The following MMP27 variants were observed in gnomAD, a reference collection of about 807,000 sequenced individuals.
MMP27 encodes matrix metalloproteinase-27.
MMP27 carries 51 observed loss-of-function variants against 48.1 expected under a neutral mutation model. The observed-to-expected ratio is 1.06, with a 90% CI of 0.85 to 1.34. The LOEUF (loss-of-function observed/expected upper bound fraction) is 1.34. Among genes scored for constraint, MMP27 ranks in the 40% most tolerant of loss-of-function variants. The probability of loss-of-function intolerance (pLI) is 0.00; values close to 1 mark genes in which losing one functional copy is unlikely to be tolerated. For missense variants in MMP27, 698 were observed against 619.3 expected, an observed-to-expected ratio of 1.13 and a Z score of -1.35; for synonymous variants, 229 against 208.9, an observed-to-expected ratio of 1.10 and a Z score of -0.83.
Position 102,696,713 on chromosome 11 carries a change from GTGGGTATTTTC to G in MMP27, c.731_741del (p.Arg244ThrfsTer5). On this transcript the variant is annotated frameshift_variant, in exon 5 of 10. Coordinates refer to ENST00000260229, the MANE Select transcript of MMP27 (RefSeq NM_022122.3). LOFTEE classifies it high-confidence loss of function. ...ATTCCATTGATATCATCCTGAGAAA[GTGGGTATTTTC>G]TGGGATCCAGGGAGACATAATTTGG... 2 of 1,613,758 alleles carry G rather than the reference GTGGGTATTTTC, an allele frequency of 1.2e-6. No individual in the cohort carries two copies. Among genetic ancestry groups the G allele is most frequent in the Non-Finnish European group, 1.7e-6 (2 of 1,179,878 alleles).
At position 102,705,590 on chromosome 11, in the gene MMP27, G is replaced by T. The variant is rs200860822; in HGVS notation, c.102+23C>A. 2.2e-6 allele frequency: 3 copies of T among 1,357,050 alleles called. No homozygotes were observed. The African/African-American group carries it at 4.6e-5, about 21-fold the overall frequency. 84.1% of individuals were successfully genotyped at this position (1,357,050 alleles called of 1,614,324 possible). ...AATAAGCTTTTTATCAATAGTCATC[G>T]ATATCATTTATTAAGACAGTACCTG... is the stretch of plus-strand genomic sequence containing the variant. On this transcript the variant is annotated intron_variant, in intron 1 of 9. Coordinates refer to ENST00000260229, the MANE Select transcript of MMP27 (RefSeq NM_022122.3).
At chr11:102,692,146 T>G (rs1022830589) in intron 9 of MMP27, 136 bp from the exon 10 acceptor site, 8 of 738,368 alleles carry the variant, frequency 1.1e-5, no homozygotes, top group African/African-American at 1.1e-4. Context: ...TACATTTTAG[T>G]TTTCTACTGT....
At chr11:102,701,229 T>C (rs982513252) in intron 4 of MMP27, among the ~76,000 whole-genome samples, 1 of 152,034 alleles carries the variant, frequency 6.6e-6, no homozygotes, top group Non-Finnish European at 1.5e-5. Context: ...CAGAACTTGG[T>C]TGAGGACTGT....
At chr11:102,697,735 G>T (rs936149174) in intron 4 of MMP27, among the ~76,000 whole-genome samples, 1 of 152,072 alleles carries the variant, frequency 6.6e-6, no homozygotes. Context: ...TGAACTCCAG[G>T]CTAAAGCAAT....
Position 102,696,704 on chromosome 11 carries a change from C to T in MMP27, c.751G>A (p.Asp251Asn). 1 of 1,613,574 alleles carries T rather than the reference C, an allele frequency of 6.2e-7. No homozygotes were observed. Among genetic ancestry groups the T allele is most frequent in the Non-Finnish European group, 8.5e-7 (1 of 1,179,820 alleles). ...LDPRKYPLSQ[D>N]DINGIQSIYG... ...ATGGACTGGATTCCATTGATATCAT[C>T]CTGAGAAAGTGGGTATTTTCTGGGA... Residue 251 changes from aspartate (D) to asparagine (N), a missense_variant, in exon 5 of 10, where the codon GAT becomes AAT. Transcript: ENST00000260229.
In MMP27 at chr11:102,693,941, T is replaced by C. The variant is rs1400011162; in HGVS notation, c.1158A>G (p.Arg386=). 3.7e-6 allele frequency: 6 copies of C among 1,607,482 alleles called. No individual in the cohort carries two copies. The highest frequency in any genetic ancestry group is 5.1e-6 in the Non-Finnish European group (6 of 1,177,332). Residue 386 remains arginine (R), a synonymous_variant, in exon 8 of 10, where the codon AGA becomes AGG. Coordinates refer to ENST00000260229, the MANE Select transcript of MMP27 (RefSeq NM_022122.3). ...IDAAVCDKTT[R]KTYFFVGIWC... ...AAATGCCCACAAAGAAGTAGGTTTT[T>C]CTTGTGGTCTTATCACAGACGGCTG...
At chr11:102,694,104 G>A (rs768788437) in intron 7 of MMP27, 39 bp from the exon 8 acceptor site, 24 of 1,431,418 alleles carry the variant, frequency 1.7e-5, no homozygotes, top group Non-Finnish European at 2.1e-5. Context: ...TCTAGAGGGA[G>A]AAATAGGTAT....
At chr11:102,698,097 G>A (rs1860867188) in intron 4 of MMP27, among the ~76,000 whole-genome samples, 1 of 151,966 alleles carries the variant, frequency 6.6e-6, no homozygotes, top group African/African-American at 2.4e-5. Context: ...ACAAGTAGGA[G>A]TACATTCTAA....
At position 102,692,757 on chromosome 11, in the gene MMP27, T is replaced by C. The variant is rs147101758; in HGVS notation, c.1297+181A>G. 3.3e-5 allele frequency among the ~76,000 whole-genome samples: 5 copies of C among 152,318 alleles called. No homozygotes were observed. In the East Asian group the frequency reaches 7.7e-4, roughly 23 times the overall value. On this transcript the variant is annotated intron_variant, in intron 9 of 9. Transcript: ENST00000260229. ...AGATTTGAGATAGTATAACAGAGAG[T>C]ATAATTCAGGATTTATGGATTCAGT...
intron 2 of MMP27, among the ~76,000 whole-genome samples, chr11:102,704,116 ACTCT>A (rs945557888): frequency 6.6e-6 from 1 of 151,548 alleles, no homozygotes; most frequent in Non-Finnish European, 1.5e-5. Context: ...AGATTTGGCA[ACTCT>A]CTCTCTCACA....
intron 1 of MMP27, among the ~76,000 whole-genome samples, chr11:102,705,391 A>G (rs750390895): frequency 6.1e-4 from 93 of 152,098 alleles, no homozygotes; most frequent in African/African-American, 2.0e-3. Context: ...ATTTGTGACC[A>G]TTGCTAAAAG....
intron 5 of MMP27, 39 bp from the exon 6 acceptor site, chr11:102,696,530 G>T: frequency 1.2e-6 from 2 of 1,607,966 alleles, no homozygotes; most frequent in Non-Finnish European, 1.7e-6. Flanking sequence ...AATTAAGAGG[G>T]CATGAAGAAA....
rs1287369826 is a variant in MMP27, at chr11:102,692,098, CATT to C, written c.1298-91_1298-89del. The C allele has an allele frequency of 9.6e-6, 12 of 1,248,400 alleles. No homozygotes were observed. The Admixed American group carries it at 2.4e-4, about 25-fold the overall frequency. 77.3% of individuals were successfully genotyped at this position (1,248,400 alleles called of 1,614,324 possible). On this transcript the variant is annotated intron_variant, in intron 9 of 9. Transcript: ENST00000260229. Reference sequence around the variant, plus strand: ...ATTTTATAAACATGGAAAAAAATAACATTATGGAGAACGAAGAAATTTGTGGAA... The same window carrying C: ...ATTTTATAAACATGGAAAAAAATAACATGGAGAACGAAGAAATTTGTGGAA...
intron 4 of MMP27, among the ~76,000 whole-genome samples, chr11:102,699,495 A>G (rs922507467): frequency 1.3e-5 from 2 of 152,128 alleles, no homozygotes; most frequent in Non-Finnish European, 2.9e-5. Context: ...ATACATACAT[A>G]CATACATAAA....
chr11:102,696,500 A>AG lies in MMP27; in HGVS notation c.782-10dup. The AG allele has an allele frequency of 6.2e-7, 1 of 1,612,086 alleles. No homozygotes were observed. ...TTCCTTAGGCAGACCTCCTTTGATG[A>AG]GAAAAAAAATACCACAATGAATTAA... is the stretch of plus-strand genomic sequence containing the variant. On this transcript the variant is annotated splice_polypyrimidine_tract_variant and intron_variant, in intron 5 of 9. Coordinates refer to ENST00000260229, the MANE Select transcript of MMP27 (RefSeq NM_022122.3).
intron 6 of MMP27, 23 bp downstream of exon 6, chr11:102,696,348 G>A (rs755564785): frequency 2.2e-5 from 35 of 1,611,960 alleles, no homozygotes; most frequent in Non-Finnish European, 3.0e-5. Context: ...AGGAAGTTGA[G>A]GTGTTTAGAG....
In MMP27 at chr11:102,693,011, T is replaced by C. The variant is rs142339439; in HGVS notation, c.1224A>G (p.Lys408=). Residue 408 remains lysine (K), a synonymous_variant, in exon 9 of 10, where the codon AAA becomes AAG. Coordinates refer to ENST00000260229, the MANE Select transcript of MMP27 (RefSeq NM_022122.3). ...RFDEMTQTMD[K]GFPQRVVKHF... ...GTTTTACCACTCTCTGCGGGAACCC[T>C]TTGTCCATGGTTTGGGTCATTTCAT... 1 of 1,613,638 alleles carries C rather than the reference T, an allele frequency of 6.2e-7. No individual in the cohort carries two copies. Among genetic ancestry groups the C allele is most frequent in the African/African-American group, 1.3e-5 (1 of 75,022 alleles).
Position 102,693,982 on chromosome 11 carries a change from C to G in MMP27, c.1117G>C (p.Val373Leu). ...CAGACGGCTGCATCTATTTTCTTCA[C>G]ACGTCCTGGAAAACCTAATGTATGG... Reference protein sequence around the residue: ...SIHTLGFPGRVKKIDAAVCDK... With the variant: ...SIHTLGFPGRLKKIDAAVCDK... Residue 373 changes from valine to leucine, a missense_variant, in exon 8 of 10, where the codon GTG becomes CTG. By Grantham distance (32) the Val-to-Leu change is conservative. Coordinates refer to ENST00000260229, the MANE Select transcript of MMP27 (RefSeq NM_022122.3). 1.2e-6 allele frequency: 2 copies of G among 1,611,606 alleles called. No individual in the cohort carries two copies. Among genetic ancestry groups the G allele is most frequent in the Non-Finnish European group, 1.7e-6 (2 of 1,178,732 alleles).
rs1029231886 is a variant in MMP27, at chr11:102,703,766, C to T, written c.342-648G>A. 2.0e-5 allele frequency among the ~76,000 whole-genome samples: 3 copies of T among 152,148 alleles called. No individual in the cohort carries two copies. The South Asian group carries it at 6.2e-4, about 32-fold the overall frequency. ...CTCAAACTCCTGAACTCAGGTGATC[C>T]GTCTGCCTCAGCCTCCCAAAGTGCT... On this transcript the variant is annotated intron_variant, in intron 2 of 9. Transcript: ENST00000260229.
Sources: allele counts gnomAD v4.1 joint callset (sites outside exome capture counted in the v4.1 genomes callset), GRCh38; gene constraint gnomAD v4.1.1; transcripts MANE v1.5; gene names NCBI Gene and HGNC (gene_info 2026-07-23, HGNC 2026-07-21).